NFIB: variants seen among roughly 807,000 people sequenced by gnomAD.
The protein encoded by NFIB is nuclear factor I B, also known as nuclear factor 1 B-type.
In NFIB, 11 loss-of-function variants were observed where a neutral mutation model predicts 61.5. That is an observed-to-expected ratio of 0.18 (90% CI 0.11 to 0.30). NFIB has a LOEUF of 0.30. NFIB is among the 10% of genes least tolerant of loss of function. The pLI, the probability that NFIB is intolerant of heterozygous loss-of-function variation, is 1.00. For synonymous variants in NFIB, 260 were observed against 216.5 expected, an observed-to-expected ratio of 1.20 and a Z score of -1.76; for missense variants, 471 against 608.9, an observed-to-expected ratio of 0.77 and a Z score of 2.38.
At chr9:14,140,669 C>T (rs2041590954) in intron 6 of NFIB, among the ~76,000 whole-genome samples, 1 of 152,170 alleles carries the variant, frequency 6.6e-6, no homozygotes, top group Non-Finnish European at 1.5e-5. Flanking sequence ...TGTGGTGCCT[C>T]ACACCTGCAA....
intron 1 of NFIB, among the ~76,000 whole-genome samples, chr9:14,398,347 T>C (rs895997624): frequency 1.3e-5 from 2 of 152,210 alleles, no homozygotes; most frequent in Non-Finnish European, 2.9e-5. Flanking sequence ...ATAATCCTTA[T>C]GCCAGCTCTG....
At chr9:14,320,087 A>G (rs2060628133) in intron 1 of NFIB, among the ~76,000 whole-genome samples, 1 of 152,202 alleles carries the variant, frequency 6.6e-6, no homozygotes, top group South Asian at 2.1e-4. Context: ...TTCACTCAAA[A>G]TTATGCTGCT....
In NFIB at chr9:14,307,298, G is replaced by A. The variant is rs1588253171; in HGVS notation, c.253C>T (p.Arg85Cys). The change falls in exon 2 of 11, where the codon CGC becomes TGC. Residue 85 changes from arginine (R) to cysteine (C), a missense_variant. Around this residue, in one of 2 missense-constraint regions of NFIB, gnomAD observed 99 missense variants for 213.3 expected, o/e 0.46. Coordinates refer to ENST00000380953, the MANE Select transcript of NFIB (RefSeq NM_001190737.2). The surrounding 1 kb of genome is among the most constrained non-coding windows in gnomAD (Gnocchi z 5.3). ...RLLAKLRKDIRQEYREDFVLT... is the reference protein window; with the variant it reads ...RLLAKLRKDICQEYREDFVLT... ...ACAAAGTCCTCTCGATACTCCTGGC[G>A]AATATCTTTGCGCAGTTTGGCAAGG... 3.1e-6 allele frequency: 5 copies of A among 1,613,996 alleles called. No individual in the cohort carries two copies. Among genetic ancestry groups the A allele is most frequent in the East Asian group, 2.2e-5 (1 of 44,836 alleles).
intron 2 of NFIB, among the ~76,000 whole-genome samples, chr9:14,272,970 T>G (rs1173982855): frequency 6.6e-6 from 1 of 152,160 alleles, no homozygotes; most frequent in African/African-American, 2.4e-5. Context: ...CCCGACAGTC[T>G]GCTTTGCCAA....
chr9:14,396,626 T>A (rs1023233243), intron 1 of NFIB, among the ~76,000 whole-genome samples: 2 of 152,222 alleles, frequency 1.3e-5, no homozygotes, highest in African/African-American at 4.8e-5. Flanking sequence ...AAATTCAGCA[T>A]GTCACAGGAG....
intron 2 of NFIB, among the ~76,000 whole-genome samples, chr9:14,187,045 G>A (rs56259218): frequency 0.46 from 65,211 of 142,168 alleles, 16,869 homozygotes; most frequent in South Asian, 0.62. Context: ...GTGTGTGTGT[G>A]TGTGTGTGTG....
chr9:14,216,300 C>G lies in NFIB; in HGVS notation c.563-36520G>C, dbSNP rs565449350. Among the ~76,000 whole-genome samples, 8 of 152,226 alleles carry G rather than the reference C, an allele frequency of 5.3e-5. 2 individuals are homozygous for G. In the East Asian group the frequency reaches 1.5e-3, roughly 29 times the overall value. ...TGGCACTCAGGCTGAGCTTATCCCA[C>G]TGGAAAGGTGTGCATTAACATGGTG... On this transcript the variant is annotated intron_variant, in intron 2 of 10. Coordinates refer to ENST00000380953, the MANE Select transcript of NFIB (RefSeq NM_001190737.2).
At position 14,204,369 on chromosome 9, in the gene NFIB, T is replaced by C. The variant is rs1587581819; in HGVS notation, c.563-24589A>G. On this transcript the variant is annotated intron_variant, in intron 2 of 10. Coordinates refer to ENST00000380953, the MANE Select transcript of NFIB (RefSeq NM_001190737.2). The stretch of plus-strand genomic sequence containing the variant: ...GAGAAAAGGCCTAAGAATTTTGGCA[T>C]TAGACAGGACATCCAGCCCAAAAGA... 3 of 960,134 alleles carry C rather than the reference T, an allele frequency of 3.1e-6. No homozygotes were observed. In the East Asian group the frequency reaches 7.2e-5, roughly 23 times the overall value. 59.5% of individuals were successfully genotyped at this position (960,134 alleles called of 1,614,324 possible). A position where few individuals can be genotyped will look rare whatever the true frequency, so the allele number is the denominator to read the frequency against.
chr9:14,342,047 C>G (rs1042229246), intron 1 of NFIB, among the ~76,000 whole-genome samples: 9 of 152,012 alleles, frequency 5.9e-5, no homozygotes, highest in Non-Finnish European at 1.2e-4. Flanking sequence ...GGAACATACT[C>G]TTTTCTGTTT....
At chr9:14,470,516 G>T in the NFIB span, among the ~76,000 whole-genome samples, 7 of 152,080 alleles carry the variant, frequency 4.6e-5, no homozygotes, top group African/African-American at 7.2e-5. Flanking sequence ...AACTCCATAA[G>T]GGCCAGATGG....
chr9:14,136,020 G>A (rs995705126), intron 6 of NFIB, among the ~76,000 whole-genome samples: 13 of 151,874 alleles, frequency 8.6e-5, no homozygotes, highest in Non-Finnish European at 1.9e-4. Flanking sequence ...TTATCACTTC[G>A]CTATAAAAAA....
At chr9:14,126,539 T>C (rs996002900) in intron 6 of NFIB, among the ~76,000 whole-genome samples, 2 of 152,126 alleles carry the variant, frequency 1.3e-5, no homozygotes, top group African/African-American at 4.8e-5. Context: ...AAAATGTGAA[T>C]GAGGATGACA....
At chr9:14,228,398 G>A (rs906953302) in intron 2 of NFIB, among the ~76,000 whole-genome samples, 2 of 151,872 alleles carry the variant, frequency 1.3e-5, no homozygotes, top group Non-Finnish European at 2.9e-5. Context: ...GTTTCACCAC[G>A]TTGGCCAGGC....
At chr9:14,315,620 G>C (rs1269954362), upstream of NFIB, among the ~76,000 whole-genome samples, 1 of 147,600 alleles carries the variant, frequency 6.8e-6, no homozygotes. Context: ...CGCCCGCGCC[G>C]GCTCCCCACC....
the NFIB span, among the ~76,000 whole-genome samples, chr9:14,447,730 G>T: frequency 6.6e-6 from 1 of 152,018 alleles, no homozygotes; most frequent in African/African-American, 2.4e-5. Context: ...ACAGGCATGT[G>T]GACTCCCTAC....
At chr9:14,480,325 G>A in the NFIB span, among the ~76,000 whole-genome samples, 2 of 152,116 alleles carry the variant, frequency 1.3e-5, no homozygotes, top group African/African-American at 4.8e-5. Flanking sequence ...GTACCATGCT[G>A]CTTCTTGACC....
chr9:14,511,024 A>G, the NFIB span, among the ~76,000 whole-genome samples: 1 of 152,174 alleles, frequency 6.6e-6, no homozygotes, highest in Admixed American at 6.5e-5. Context: ...GATTTTGTCA[A>G]TAAATTGGGA....
chr9:14,196,100 G>C (rs568850232), intron 2 of NFIB, among the ~76,000 whole-genome samples: 65 of 151,958 alleles, frequency 4.3e-4, no homozygotes, highest in African/African-American at 1.5e-3. Flanking sequence ...GTTCACGCTG[G>C]TTGAACTTAA....
chr9:14,233,446 A>C (rs1183078705), intron 2 of NFIB, among the ~76,000 whole-genome samples: 2 of 104,626 alleles, frequency 1.9e-5, no homozygotes, highest in African/African-American at 7.8e-5. Flanking sequence ...TTTTTTTTTT[A>C]AGATGGAGTC....
Sources: allele counts gnomAD v4.1 joint callset (sites outside exome capture counted in the v4.1 genomes callset), GRCh38; gene constraint gnomAD v4.1.1; regional missense constraint gnomAD v4.1.1; non-coding constraint Gnocchi (gnomAD v3.1); transcripts MANE v1.5; gene names NCBI Gene and HGNC (gene_info 2026-07-23, HGNC 2026-07-21).